The following DLC1 variants were observed in gnomAD, a reference collection of about 807,000 sequenced individuals.
DLC1 encodes the protein DLC1 Rho GTPase activating protein.
Under a neutral mutation model 140.3 loss-of-function variants are expected in DLC1, and 54 were observed. The observed-to-expected ratio is 0.38, with a 90% CI of 0.31 to 0.48. The LOEUF is 0.48. DLC1 is among the 20% of genes least tolerant of loss of function. The pLI is 0.96. For missense variants in DLC1, 2,536 were observed against 1,907.0 expected, an observed-to-expected ratio of 1.33 and a Z score of -6.14; for synonymous variants, 986 against 728.1, an observed-to-expected ratio of 1.35 and a Z score of -5.70.
At chr8:13,199,929 G>T (rs1451061502) in intron 5 of DLC1, among the ~76,000 whole-genome samples, 1 of 152,184 alleles carries the variant, frequency 6.6e-6, no homozygotes, top group Non-Finnish European at 1.5e-5. Context: ...TAATTTTTGA[G>T]ACAAATTCTA....
At chr8:13,586,180 AT>A (rs1430153801) in intron 1 of DLC1, among the ~76,000 whole-genome samples, 13 of 152,260 alleles carry the variant, frequency 8.5e-5, no homozygotes, top group Admixed American at 7.8e-4. Flanking sequence ...AGTGATTCTA[AT>A]ATGCAGCTGC....
At chr8:13,506,608 T>TATATATATATATATATATAC (rs1802093196) in intron 1 of DLC1, among the ~76,000 whole-genome samples, 1 of 137,892 alleles carries the variant, frequency 7.3e-6, no homozygotes, top group Non-Finnish European at 1.5e-5. Flanking sequence ...TATATATATA[T>TATATATATATATATATATAC]ACACATATAT....
intron 5 of DLC1, among the ~76,000 whole-genome samples, chr8:13,179,373 C>G (rs1585851049): frequency 6.6e-6 from 1 of 151,984 alleles, no homozygotes; most frequent in Non-Finnish European, 1.5e-5. Flanking sequence ...AACCCTAACC[C>G]TAAAAATTTA....
chr8:13,228,004 A>G (rs958188988), intron 5 of DLC1, among the ~76,000 whole-genome samples: 2 of 152,064 alleles, frequency 1.3e-5, no homozygotes, highest in Admixed American at 6.6e-5. Context: ...CCATTTTTTT[A>G]TTGGTAAATG....
At chr8:13,426,015 G>A (rs985454781) in intron 2 of DLC1, among the ~76,000 whole-genome samples, 2 of 152,166 alleles carry the variant, frequency 1.3e-5, no homozygotes, top group Non-Finnish European at 2.9e-5. Flanking sequence ...GTCTGGGTAT[G>A]TTGCCCAGGC....
chr8:13,112,999 T>G (rs146640895), intron 6 of DLC1, among the ~76,000 whole-genome samples: 2 of 152,320 alleles, frequency 1.3e-5, no homozygotes, highest in East Asian at 3.9e-4. Flanking sequence ...AACTATGTTA[T>G]TTTAGGAATT....
chr8:13,333,205 C>G (rs1671368), intron 4 of DLC1, among the ~76,000 whole-genome samples: 130,135 of 152,176 alleles, frequency 0.86, 56,069 homozygotes, highest in East Asian at 0.95. Context: ...CTTTGAGATA[C>G]AGAATAAAAA....
chr8:13,333,001 A>C (rs1212100254), intron 4 of DLC1, among the ~76,000 whole-genome samples: 1 of 152,168 alleles, frequency 6.6e-6, no homozygotes, highest in African/African-American at 2.4e-5. Flanking sequence ...GGACTAAATT[A>C]CCTCTCTAGA....
intron 5 of DLC1, among the ~76,000 whole-genome samples, chr8:13,140,432 C>T (rs1000401972): frequency 1.3e-5 from 2 of 151,908 alleles, no homozygotes; most frequent in African/African-American, 4.8e-5. Flanking sequence ...GGAGTGTCGT[C>T]ATGTTGCCCA....
At chr8:13,599,587 T>C (rs1439738568) in intron 1 of DLC1, among the ~76,000 whole-genome samples, 1 of 151,870 alleles carries the variant, frequency 6.6e-6, no homozygotes, top group Non-Finnish European at 1.5e-5. Flanking sequence ...TATCTAGAAA[T>C]AAACTACGGA....
At chr8:13,398,096 A>C (rs4370532) in intron 3 of DLC1, among the ~76,000 whole-genome samples, 19,885 of 151,738 alleles carry the variant, frequency 0.13, 1,585 homozygotes, top group Non-Finnish European at 0.19. Context: ...GCGCCACTGC[A>C]CTCTAGCCTG....
At position 13,442,481 on chromosome 8, in the gene DLC1, C is replaced by G. The variant is rs538216375; in HGVS notation, c.1024-40862G>C. On this transcript the variant is annotated intron_variant, in intron 2 of 17. Coordinates refer to ENST00000276297, the MANE Select transcript of DLC1 (RefSeq NM_182643.3). ...CTGAAAAAGGGCTAATATCCAGAAT[C>G]TACACTGAACTCAAACAAGTTTACA... Among the ~76,000 whole-genome samples, 4 of 152,302 alleles carry G rather than the reference C, an allele frequency of 2.6e-5. No individual in the cohort carries two copies. The East Asian group carries it at 7.7e-4, about 29-fold the overall frequency.
intron 1 of DLC1, among the ~76,000 whole-genome samples, chr8:13,600,068 C>A (rs1805820782): frequency 6.6e-6 from 1 of 151,800 alleles, no homozygotes; most frequent in Non-Finnish European, 1.5e-5. Flanking sequence ...TCTGAAGAAC[C>A]CTAAACTGTG....
chr8:13,486,662 C>T (rs547615797), intron 2 of DLC1, among the ~76,000 whole-genome samples: 14 of 152,248 alleles, frequency 9.2e-5, no homozygotes, highest in Admixed American at 7.9e-4. Flanking sequence ...CCAGCTGAAA[C>T]ATTCCATGAA....
At chr8:13,339,355 A>G (rs1485053069) in intron 4 of DLC1, 1 of 152,240 alleles carries the variant, frequency 6.6e-6, no homozygotes, top group South Asian at 2.1e-4. Flanking sequence ...TTGTGAAGCA[A>G]TTAGCAGGGT....
At chr8:13,412,793 G>A (rs1389495825) in intron 2 of DLC1, among the ~76,000 whole-genome samples, 2 of 151,978 alleles carry the variant, frequency 1.3e-5, no homozygotes, top group Admixed American at 6.6e-5. Flanking sequence ...TTAGCCGGGT[G>A]TGGTGGTGGG....
At chr8:13,594,770 T>C (rs918981009) in intron 1 of DLC1, among the ~76,000 whole-genome samples, 1 of 152,018 alleles carries the variant, frequency 6.6e-6, no homozygotes, top group African/African-American at 2.4e-5. Flanking sequence ...ATATTTACAA[T>C]ATGGAGATTG....
At chr8:13,600,466 A>G (rs1261438656) in intron 1 of DLC1, among the ~76,000 whole-genome samples, 1 of 151,932 alleles carries the variant, frequency 6.6e-6, no homozygotes, top group African/African-American at 2.4e-5. Flanking sequence ...AGAGTGTCCA[A>G]GGAAACTTTA....
At chr8:13,480,786 C>G (rs888837094) in intron 2 of DLC1, among the ~76,000 whole-genome samples, 7 of 152,058 alleles carry the variant, frequency 4.6e-5, no homozygotes, top group African/African-American at 1.7e-4. Flanking sequence ...TGCCTGTAGT[C>G]CTAGCTACTA....
Sources: gnomAD v4.1 joint callset for allele counts (sites outside exome capture counted in the v4.1 genomes callset) on GRCh38, gnomAD v4.1.1 for gene constraint, MANE v1.5 for transcripts, NCBI Gene and HGNC (gene_info 2026-07-23, HGNC 2026-07-21) for gene names.